Variants in CRLF1 observed in about 807,000 individuals in gnomAD.
The protein encoded by CRLF1 is cytokine receptor-like factor 1.
A neutral mutation model predicts 48.9 loss-of-function variants in CRLF1; 36 were observed. The observed-to-expected ratio is 0.74, with a 90% CI of 0.56 to 0.97. The LOEUF (loss-of-function observed/expected upper bound fraction) is 0.97, where lower values mean the gene tolerates loss of function less well. Among genes scored for constraint, CRLF1 ranks in the 50% least tolerant of loss-of-function variants. CRLF1 has a pLI of 0.00. For missense variants in CRLF1, 534 were observed against 575.1 expected (o/e 0.93, Z 0.73); for synonymous variants, 256 against 253.4 (o/e 1.01, Z -0.10).
In CRLF1 at chr19:18,594,401, G is replaced by C; in HGVS notation, c.1058C>G (p.Pro353Arg). Residue 353 changes from proline (P) to arginine (R), a missense_variant, in exon 7 of 9, where the codon CCG becomes CGG. Coordinates refer to ENST00000392386, the MANE Select transcript of CRLF1 (RefSeq NM_004750.5). ...CCCCGAGCTCGGCTCTCCGCCCCGC[G>C]GTTCGCACGCCCCGCCGCCCGGGCC... Reference protein sequence around the residue: ...RPGPGGGACEPRGGEPSSGPV... With the variant: ...RPGPGGGACERRGGEPSSGPV... The C allele has an allele frequency of 6.4e-7, 1 of 1,564,780 alleles. No individual in the cohort carries two copies. Among genetic ancestry groups the C allele is most frequent in the Non-Finnish European group, 8.7e-7 (1 of 1,153,830 alleles).
intron 8 of CRLF1, 81 bp from the exon 9 acceptor site, chr19:18,593,660 C>CT: frequency 6.4e-7 from 1 of 1,553,516 alleles, no homozygotes; most frequent in Non-Finnish European, 8.7e-7. Flanking sequence ...AGGCTTCATT[C>CT]GTGTCCTGTC....
chr19:18,595,347 G>A (rs1976118770), intron 6 of CRLF1, among the ~76,000 whole-genome samples: 9 of 152,224 alleles, frequency 5.9e-5, no homozygotes, highest in Admixed American at 5.2e-4. Flanking sequence ...GCCCACCCCT[G>A]AACCTGGAGG....
chr19:18,599,358 A>G (rs1304382416), intron 2 of CRLF1, among the ~76,000 whole-genome samples: 1 of 152,114 alleles, frequency 6.6e-6, no homozygotes, highest in African/African-American at 2.4e-5. Flanking sequence ...CACCCACCTC[A>G]GCCTCCCAAA....
intron 1 of CRLF1, among the ~76,000 whole-genome samples, chr19:18,602,761 C>G (rs1044076401): frequency 6.6e-6 from 1 of 151,868 alleles, no homozygotes; most frequent in Non-Finnish European, 1.5e-5. Context: ...CTCGAATGCC[C>G]CCAGCCTGAC....
intron 1 of CRLF1, among the ~76,000 whole-genome samples, chr19:18,604,523 G>A (rs929652201): frequency 6.6e-6 from 1 of 152,202 alleles, no homozygotes; most frequent in Non-Finnish European, 1.5e-5. Flanking sequence ...GCAATCCAAT[G>A]TCCAGAGGGC....
Position 18,596,938 on chromosome 19 carries a change from G to T in CRLF1, c.809C>A (p.Ala270Asp). 6.2e-7 allele frequency: 1 copy of T among 1,614,116 alleles called. No individual in the cohort carries two copies. ...CACTCGGTAGCGGATCTGGTATTTG[G>T]CTTGAAAGAGGAAATCCTTGAGGGC... ...PPALKDFLFQAKYQIRYRVED... is the reference protein window; with the variant it reads ...PPALKDFLFQDKYQIRYRVED... The change falls in exon 5 of 9, where the codon GCC (alanine) becomes GAC (aspartate). Residue 270 changes from alanine (A) to aspartate (D), a missense_variant. This residue lies in a region of CRLF1 where 528 missense variants were observed against 555.7 expected (regional missense o/e 0.95). Coordinates refer to ENST00000392386, the MANE Select transcript of CRLF1 (RefSeq NM_004750.5).
At chr19:18,598,729 A>G (rs1976178201) in intron 3 of CRLF1, 43 bp downstream of exon 3, 1 of 1,614,058 alleles carries the variant, frequency 6.2e-7, no homozygotes, top group Non-Finnish European at 8.5e-7. Context: ...AAGGTCACGC[A>G]GCCAGCCTGG....
intron 1 of CRLF1, among the ~76,000 whole-genome samples, chr19:18,603,103 C>G (rs910830546): frequency 6.6e-6 from 1 of 152,254 alleles, no homozygotes. Flanking sequence ...TTCGTTCACG[C>G]GTTCATCTAT....
chr19:18,599,810 A>C lies in CRLF1; in HGVS notation c.152T>G (p.Leu51Arg). The C allele has an allele frequency of 6.4e-7, 1 of 1,570,138 alleles. No homozygotes were observed. The highest frequency in any genetic ancestry group is 8.7e-7 in the Non-Finnish European group (1 of 1,154,636). ...GGTGGCCAGCAGGGAGGAGCCGATG[A>C]GAAGCGTGGGATCCTGGGGACTGAT... ...AVISPQDPTL[L>R]IGSSLLATCS... The change falls in exon 2 of 9, where the codon CTC (leucine) becomes CGC (arginine). Residue 51 changes from leucine to arginine, a missense_variant. Leu to Arg is a moderately radical substitution (Grantham distance 102). This residue lies in a region of CRLF1 where 528 missense variants were observed against 555.7 expected (regional missense o/e 0.95). Coordinates refer to ENST00000392386, the MANE Select transcript of CRLF1 (RefSeq NM_004750.5).
chr19:18,594,675 C>T (rs1976107184), intron 6 of CRLF1, among the ~76,000 whole-genome samples: 1 of 151,810 alleles, frequency 6.6e-6, no homozygotes, highest in African/African-American at 2.4e-5. Flanking sequence ...CACATCTCCT[C>T]CAGGAACCCG....
At chr19:18,599,926 A>C in intron 1 of CRLF1, 80 bp from the exon 2 acceptor site, 1 of 1,359,872 alleles carries the variant, frequency 7.4e-7, no homozygotes, top group Non-Finnish European at 9.8e-7. Flanking sequence ...TCCAGGGTTC[A>C]TGGTGGTCCT....
At chr19:18,599,106 G>A (rs1976184655) in intron 2 of CRLF1, 1 of 985,178 alleles carries the variant, frequency 1.0e-6, no homozygotes, top group African/African-American at 1.7e-5. Context: ...TCGATCTCCG[G>A]GTTCTTTTTC....
In CRLF1 at chr19:18,597,019, A is replaced by G. The variant is rs1051858920; in HGVS notation, c.728T>C (p.Val243Ala). ...GTCCTCCAGGCCCCCGACGCGGCTCACGTGCACGTCGGGCGGGGGGTCCGT... is the reference window on the plus strand; with the variant it reads ...GTCCTCCAGGCCCCCGACGCGGCTCGCGTGCACGTCGGGCGGGGGGTCCGT... ...VTTDPPPDVH[V>A]SRVGGLEDQL... The change falls in exon 5 of 9, where the codon GTG (valine) becomes GCG (alanine). Residue 243 changes from valine to alanine, a missense_variant. Coordinates refer to ENST00000392386, the MANE Select transcript of CRLF1 (RefSeq NM_004750.5). The G allele has an allele frequency of 3.1e-6, 5 of 1,613,012 alleles. No individual in the cohort carries two copies. The highest frequency in any genetic ancestry group is 4.2e-6 in the Non-Finnish European group (5 of 1,179,748).
Position 18,599,776 on chromosome 19 carries a change from C to T in CRLF1, c.186G>A (p.Val62=), listed in dbSNP as rs1474190877. Residue 62 remains valine, a synonymous_variant, in exon 2 of 9, where the codon GTG becomes GTA. Coordinates refer to ENST00000392386, the MANE Select transcript of CRLF1 (RefSeq NM_004750.5). Reference sequence around the variant, plus strand: ...CGGTGGCTCCTGGTGGGTCTCCGTGCACTGAGCAGGTGGCCAGCAGGGAGG... The same window carrying T: ...CGGTGGCTCCTGGTGGGTCTCCGTGTACTGAGCAGGTGGCCAGCAGGGAGG... ...IGSSLLATCS[V]HGDPPGATAE... 1.3e-6 allele frequency: 2 copies of T among 1,591,764 alleles called. No individual in the cohort carries two copies. The highest frequency in any genetic ancestry group is 1.3e-5 in the African/African-American group (1 of 74,598).
chr19:18,598,420 C>T lies in CRLF1; in HGVS notation c.697+12G>A, dbSNP rs764766354. The T allele has an allele frequency of 2.5e-5, 41 of 1,608,048 alleles. No individual in the cohort carries two copies. The highest frequency in any genetic ancestry group is 2.9e-5 in the Non-Finnish European group (34 of 1,176,240). On this transcript the variant is annotated intron_variant, in intron 4 of 8. Transcript: ENST00000392386. Reference sequence around the variant, plus strand: ...TGCCGAGGGAGGGGCCTAGCAGACACTGGGGGCTCACCCACATCCAGGATA... The same window carrying T: ...TGCCGAGGGAGGGGCCTAGCAGACATTGGGGGCTCACCCACATCCAGGATA...
chr19:18,597,166 C>T (rs1976150590), intron 4 of CRLF1, 117 bp from the exon 5 acceptor site: 6 of 1,055,688 alleles, frequency 5.7e-6, no homozygotes, highest in Admixed American at 2.5e-5. Context: ...CCTCCTCTTC[C>T]CTCTGCCCCC....
chr19:18,600,939 G>A (rs1477439813), intron 1 of CRLF1, among the ~76,000 whole-genome samples: 3 of 151,886 alleles, frequency 2.0e-5, no homozygotes, highest in Non-Finnish European at 4.4e-5. Flanking sequence ...CAAGTAGCTG[G>A]GACTACAGGT....
At chr19:18,602,160 G>A (rs1976229364) in intron 1 of CRLF1, among the ~76,000 whole-genome samples, 1 of 152,210 alleles carries the variant, frequency 6.6e-6, no homozygotes, top group South Asian at 2.1e-4. Context: ...TCTCCTGCTG[G>A]CCATCAGGGC....
At position 18,596,631 on chromosome 19, in the gene CRLF1, G is replaced by A; in HGVS notation, c.1015C>T (p.Pro339Ser). The change falls in exon 6 of 9, where the codon CCC becomes TCC. Residue 339 changes from proline (P) to serine (S), a missense_variant. Pro to Ser is a moderately conservative substitution (Grantham distance 74). Coordinates refer to ENST00000392386, the MANE Select transcript of CRLF1 (RefSeq NM_004750.5). ...EWSHPTAAST[P>S]RSERPGPGGG... is the part of the protein sequence containing the mutation. ...CTAGGAGGGTGCTCACCACTGCGGG[G>A]AGTGGAGGCGGCTGTGGGGTGGCTC... 1.2e-6 allele frequency: 2 copies of A among 1,613,962 alleles called. No individual in the cohort carries two copies. Among genetic ancestry groups the A allele is most frequent in the Middle Eastern group, 1.6e-4 (1 of 6,062 alleles).
Sources: allele counts gnomAD v4.1 joint callset (sites outside exome capture counted in the v4.1 genomes callset), GRCh38; gene constraint gnomAD v4.1.1; regional missense constraint gnomAD v4.1.1; transcripts MANE v1.5; gene names NCBI Gene and HGNC (gene_info 2026-07-23, HGNC 2026-07-21).